TRAPPC14: variants seen among roughly 807,000 people sequenced by gnomAD.
The protein encoded by TRAPPC14 is microtubule associated protein 11.
A neutral mutation model predicts 56.6 loss-of-function variants in TRAPPC14; 24 were observed. The ratio of observed to expected loss-of-function variants is 0.42; its 90% CI spans 0.31 to 0.60. The LOEUF (loss-of-function observed/expected upper bound fraction) is 0.60. Among genes scored for constraint, TRAPPC14 ranks in the 20% least tolerant of loss-of-function variants. The probability of loss-of-function intolerance (pLI) is 0.14; values close to 1 mark genes in which losing one functional copy is unlikely to be tolerated. For missense variants in TRAPPC14, 615 were observed against 790.3 expected (o/e 0.78, Z 2.66); for synonymous variants, 377 against 347.0 (o/e 1.09, Z -0.96).
chr7:100,158,295 TGG>T lies in TRAPPC14; in HGVS notation c.203_204del (p.Ser68Ter). On this transcript the variant is annotated frameshift_variant, in exon 1 of 11. Transcript: ENST00000316937. LOFTEE classifies it high-confidence loss of function. ...SGTGGGPGLG[S>X]RGAWAELATA... ...GTTGCCAGTTCTGCCCAGGCTCCTC[TGG>T]AGCCCAAGCCCGGGCCGCCCCCGGT... 1 of 1,478,360 alleles carries T rather than the reference TGG, an allele frequency of 6.8e-7. No homozygotes were observed. The highest frequency in any genetic ancestry group is 8.9e-7 in the Non-Finnish European group (1 of 1,120,936). The allele number at this position is 1,478,360 out of a possible 1,614,324, so 91.6% of individuals were successfully genotyped here.
chr7:100,155,991 G>A (rs1194194438), intron 8 of TRAPPC14, 166 bp from the exon 9 acceptor site: 1 of 891,672 alleles, frequency 1.1e-6, no homozygotes, highest in South Asian at 1.3e-5. Flanking sequence ...CGTACTGTGT[G>A]CAAGGCACGT....
Position 100,158,635 on chromosome 7 carries a change from T to C in TRAPPC14, c.-136A>G. ...GGGGCGGCCGGAGAGACCGGCCCGG[T>C]CCCGGCACCGGGGCAACGAACCCGA... On this transcript the variant is annotated 5_prime_UTR_variant, in exon 1 of 11. Transcript: ENST00000316937. 1 of 891,882 alleles carries C rather than the reference T, an allele frequency of 1.1e-6. No individual in the cohort carries two copies. The highest frequency in any genetic ancestry group is 1.5e-6 in the Non-Finnish European group (1 of 675,652). 55.2% of individuals were successfully genotyped at this position (891,882 alleles called of 1,614,324 possible). A position where few individuals can be genotyped will look rare whatever the true frequency, so the allele number is the denominator to read the frequency against.
rs779876327 is a variant in TRAPPC14, at chr7:100,155,785, A to G, written c.1281T>C (p.Ala427=). The stretch of plus-strand genomic sequence containing the variant: ...TGTGGCAGACGACGGAGTCCAGGGC[A>G]GCCTGCATGGCCCGGCGCTCCTCCT... ...LCEEERRAMQ[A]ALDSVVCHTP... Residue 427 remains alanine, a synonymous_variant, in exon 9 of 11, where the codon GCT becomes GCC. Coordinates refer to ENST00000316937, the MANE Select transcript of TRAPPC14 (RefSeq NM_018275.5). 2 of 1,614,226 alleles carry G rather than the reference A, an allele frequency of 1.2e-6. No homozygotes were observed. The highest frequency in any genetic ancestry group is 1.7e-6 in the Non-Finnish European group (2 of 1,180,030).
rs780731877 is a variant in TRAPPC14 at position 100,156,920 on chromosome 7, C to T, written c.918G>A (p.Pro306=). The change falls in exon 6 of 11, where the codon CCG becomes CCA. Residue 306 remains proline (P), a synonymous_variant. Coordinates refer to ENST00000316937, the MANE Select transcript of TRAPPC14 (RefSeq NM_018275.5). ...LPGTSGCFPC[P]LNALEEHNFL... The stretch of plus-strand genomic sequence containing the variant: ...AGTTGTGTTCCTCCAGGGCATTCAG[C>T]GGGCAGGGGAAGCAGCCAGAGGTCC... 19 of 1,613,948 alleles carry T rather than the reference C, an allele frequency of 1.2e-5. No individual in the cohort carries two copies. The East Asian group carries it at 1.8e-4, about 15-fold the overall frequency.
At position 100,157,204 on chromosome 7, in the gene TRAPPC14, G is replaced by A. The variant is rs779542915; in HGVS notation, c.735C>T (p.Ser245=). 6.8e-6 allele frequency: 11 copies of A among 1,614,200 alleles called. No individual in the cohort carries two copies. Among genetic ancestry groups the A allele is most frequent in the Non-Finnish European group, 9.3e-6 (11 of 1,180,026 alleles). Residue 245 remains serine (S), a synonymous_variant, in exon 5 of 11, where the codon AGC becomes AGT. Transcript: ENST00000316937. ...AGATGGAGATTTCCTCCTGAGAGGA[G>A]CTGTTCAGCACTGTGGGAGAGGACC... ...KHLTVLKVLN[S]SSQEEISIWD...
intron 5 of TRAPPC14, 28 bp downstream of exon 5, chr7:100,157,066 C>G (rs763584822): frequency 2.5e-6 from 4 of 1,613,890 alleles, no homozygotes; most frequent in Non-Finnish European, 3.4e-6. Flanking sequence ...CCCACCACTT[C>G]ACAGCCTCGC....
At chr7:100,157,568 G>A (rs1209396725) in intron 3 of TRAPPC14, 65 bp downstream of exon 3, 1 of 1,607,326 alleles carries the variant, frequency 6.2e-7, no homozygotes, top group African/African-American at 1.3e-5. Context: ...TTTCCAGTGT[G>A]ACCCCTCCCC....
Position 100,157,615 on chromosome 7 carries a change from C to G in TRAPPC14, c.637+18G>C. 6.2e-7 allele frequency: 1 copy of G among 1,613,854 alleles called. No homozygotes were observed. Among genetic ancestry groups the G allele is most frequent in the Non-Finnish European group, 8.5e-7 (1 of 1,179,890 alleles). ...ATTCCCAGACTCTAGCCCTTTGCCT[C>G]TGCGCTGCCCTGCCCACCTTGGGCC... On this transcript the variant is annotated intron_variant, in intron 3 of 10. Coordinates refer to ENST00000316937, the MANE Select transcript of TRAPPC14 (RefSeq NM_018275.5).
chr7:100,157,254 C>T (rs778468889), intron 4 of TRAPPC14, 40 bp from the exon 5 acceptor site: 2 of 1,613,736 alleles, frequency 1.2e-6, no homozygotes, highest in Non-Finnish European at 8.5e-7. Context: ...TAGCTGGACC[C>T]CTCAGGCCCC....
Position 100,155,330 on chromosome 7 carries a change from C to T in TRAPPC14, c.1521G>A (p.Arg507=), listed in dbSNP as rs1297532648. The change falls in exon 10 of 11, where the codon AGG becomes AGA. Residue 507 remains arginine, a synonymous_variant. Transcript: ENST00000316937. The part of the protein sequence containing the change: ...SSPAVRDLVE[R]HQASLGRSQS... ...GGGAGCGGCCCAGGCTAGCCTGATGCCTCTCCACCAAGTCCCGGACAGCAG... is the reference window on the plus strand; with the variant it reads ...GGGAGCGGCCCAGGCTAGCCTGATGTCTCTCCACCAAGTCCCGGACAGCAG... 2 of 1,552,434 alleles carry T rather than the reference C, an allele frequency of 1.3e-6. No homozygotes were observed. Among genetic ancestry groups the T allele is most frequent in the Admixed American group, 2.0e-5 (1 of 51,138 alleles).
In TRAPPC14 at chr7:100,157,345, G is replaced by C. The variant is rs368825151; in HGVS notation, c.724+28C>G. The stretch of plus-strand genomic sequence containing the variant: ...TCCAATCAGTTCCCTTGTTGCTCCC[G>C]GAGGCTGGAGCCGGCAGCCCTGCTT... On this transcript the variant is annotated intron_variant, in intron 4 of 10. Coordinates refer to ENST00000316937, the MANE Select transcript of TRAPPC14 (RefSeq NM_018275.5). The C allele has an allele frequency of 4.3e-6, 7 of 1,613,466 alleles. No individual in the cohort carries two copies. In the African/African-American group the frequency reaches 9.3e-5, roughly 22 times the overall value.
chr7:100,156,056 A>G (rs1339951150), intron 8 of TRAPPC14: 1 of 702,098 alleles, frequency 1.4e-6, no homozygotes, highest in African/African-American at 1.7e-5. Flanking sequence ...GAGTTGCTCT[A>G]TTTTAAAGGT....
At position 100,156,405 on chromosome 7, in the gene TRAPPC14, G is replaced by A. The variant is rs867839061; in HGVS notation, c.1221C>T (p.Thr407=). The A allele has an allele frequency of 3.1e-6, 5 of 1,614,088 alleles. No individual in the cohort carries two copies. The African/African-American group carries it at 5.3e-5, about 17-fold the overall frequency. ...QDFLAVRLVW[T]PEHAQAGKQL... ...ACCTACCAGCCTGTGCATGCTCTGG[G>A]GTCCACACGAGCCTCACAGCAAGGA... The change falls in exon 8 of 11, where the codon ACC becomes ACT. Residue 407 remains threonine, a synonymous_variant. Coordinates refer to ENST00000316937, the MANE Select transcript of TRAPPC14 (RefSeq NM_018275.5).
intron 4 of TRAPPC14, 64 bp downstream of exon 4, chr7:100,157,309 G>A: frequency 6.2e-7 from 1 of 1,612,618 alleles, no homozygotes; most frequent in Non-Finnish European, 8.5e-7. Context: ...AGCCTGCCCA[G>A]AGGAACTGCA....
chr7:100,157,536 C>G, intron 3 of TRAPPC14, 77 bp from the exon 4 acceptor site: 2 of 1,606,426 alleles, frequency 1.2e-6, no homozygotes, highest in East Asian at 4.5e-5. Context: ...TCACCTTCCT[C>G]TTCTCAGAGC....
rs780810045 is a variant in TRAPPC14 at position 100,156,699 on chromosome 7, CAG to C, written c.1009_1010del (p.Leu337AspfsTer40). 3.1e-6 allele frequency: 5 copies of C among 1,612,054 alleles called. No individual in the cohort carries two copies. The highest frequency in any genetic ancestry group is 1.7e-5 in the Admixed American group (1 of 59,806). Reference sequence around the variant, plus strand: ...GGGTAGACCACTGAACCACAGCAATCAGGGGAACTTCCAGGCCCTGCAGGAGG... The same window carrying C: ...GGGTAGACCACTGAACCACAGCAATCGGGAACTTCCAGGCCCTGCAGGAGG... ...PGAKEGLEVP[L>X]IAVVQWSTPK... On this transcript the variant is annotated frameshift_variant, in exon 7 of 11. Coordinates refer to ENST00000316937, the MANE Select transcript of TRAPPC14 (RefSeq NM_018275.5). LOFTEE classifies it high-confidence loss of function.
intron 8 of TRAPPC14, 88 bp from the exon 9 acceptor site, chr7:100,155,913 A>C: frequency 6.5e-7 from 1 of 1,537,548 alleles, no homozygotes; most frequent in Non-Finnish European, 9.0e-7. Context: ...TGATTCTCAA[A>C]GCCACTCTGT....
Position 100,157,858 on chromosome 7 carries a change from C to T in TRAPPC14, c.492G>A (p.Gly164=), listed in dbSNP as rs1798917437. ...LTVSLDRLPP[G]TPKAKIVVTV... is the part of the protein sequence containing the mutation. ...CTCATCTTACCTTGGCCTTAGGTGT[C>T]CCTGGGGGCAGTCTATCCAGTGAAA... Residue 164 remains glycine (G), a synonymous_variant, in exon 2 of 11, where the codon GGG becomes GGA. Coordinates refer to ENST00000316937, the MANE Select transcript of TRAPPC14 (RefSeq NM_018275.5). The T allele has an allele frequency of 1.9e-6, 3 of 1,591,692 alleles. No individual in the cohort carries two copies. The highest frequency in any genetic ancestry group is 2.6e-6 in the Non-Finnish European group (3 of 1,166,702).
At chr7:100,156,002 C>G in intron 8 of TRAPPC14, 177 bp from the exon 9 acceptor site, 4 of 841,908 alleles carry the variant, frequency 4.8e-6, no homozygotes, top group Non-Finnish European at 8.1e-6. Context: ...CAAGGCACGT[C>G]ACGTATATTA....
Sources: allele counts gnomAD v4.1 joint callset, GRCh38; gene constraint gnomAD v4.1.1; transcripts MANE v1.5; gene names NCBI Gene and HGNC (gene_info 2026-07-23, HGNC 2026-07-21).